SEM1: variants seen among roughly 807,000 people sequenced by gnomAD.
SEM1 encodes SEM1 26S proteasome subunit.
SEM1 carries 3 observed loss-of-function variants against 12.7 expected under a neutral mutation model. The ratio of observed to expected loss-of-function variants is 0.24; its 90% CI spans 0.11 to 0.61. The LOEUF is 0.61. Among genes scored for constraint, SEM1 ranks in the 20% least tolerant of loss-of-function variants. The pLI is 0.88. For missense variants in SEM1, 59 were observed against 81.3 expected, an observed-to-expected ratio of 0.73 and a Z score of 1.06; for synonymous variants, 30 against 27.8, an observed-to-expected ratio of 1.08 and a Z score of -0.25.
intron 2 of SEM1, among the ~76,000 whole-genome samples, chr7:96,531,278 T>C (rs1376967779): frequency 1.3e-5 from 2 of 151,674 alleles, no homozygotes; most frequent in African/African-American, 2.4e-5. Context: ...ACATTGAAAA[T>C]GCACAACAGG....
At chr7:96,514,885 G>A (rs907873047) in intron 2 of SEM1, among the ~76,000 whole-genome samples, 9 of 150,266 alleles carry the variant, frequency 6.0e-5, no homozygotes, top group Non-Finnish European at 4.4e-5. Flanking sequence ...ATCCCAGCAA[G>A]TTATTTTGTG....
chr7:96,547,313 T>C (rs928651492), intron 2 of SEM1, among the ~76,000 whole-genome samples: 1 of 152,164 alleles, frequency 6.6e-6, no homozygotes, highest in African/African-American at 2.4e-5. Context: ...AGATAGTCTC[T>C]TAAGTATGAA....
intron 2 of SEM1, among the ~76,000 whole-genome samples, chr7:96,525,984 G>A (rs76162085): frequency 0.017 from 2,526 of 152,168 alleles, 36 homozygotes; most frequent in Non-Finnish European, 0.024. Context: ...AGTGCACAAT[G>A]CAATGTATTC....
At position 96,608,372 on chromosome 7, in the gene SEM1, AT is replaced by A. The variant is rs1030936974; in HGVS notation, c.170+86425del. The stretch of plus-strand genomic sequence containing the variant: ...CCTGTTGGCACAAGGCACTACTTCC[AT>A]TTTTTTTTTCTTTTTAAGAATGATC... On this transcript the variant is annotated intron_variant and NMD_transcript_variant, in intron 2 of 3. Coordinates refer to the SEM1 transcript ENST00000466986. Among the ~76,000 whole-genome samples the A allele has an allele frequency of 6.1e-4, 91 of 149,048 alleles. 1 individual carries two copies. The highest frequency in any genetic ancestry group is 6.0e-3 in the South Asian group (28 of 4,664).
In SEM1 at chr7:96,487,131, G is replaced by A. The variant is rs903570009; in HGVS notation, c.13-714C>T. ...TCTAGATTATAGGGCTGGGACTAGG[G>A]AGAGACCAGTAAGTTACTAACCTGA... On this transcript the variant is annotated intron_variant, in intron 1 of 3. Coordinates refer to the SEM1 transcript ENST00000356686. Among the ~76,000 whole-genome samples the A allele has an allele frequency of 2.1e-5, 3 of 140,304 alleles. 1 individual carries two copies. Among genetic ancestry groups the A allele is most frequent in the African/African-American group, 9.9e-5 (3 of 30,196 alleles). 92.0% of individuals were successfully genotyped at this position (140,304 alleles called of 152,430 possible).
chr7:96,531,429 C>CAA (rs57949407), intron 2 of SEM1, among the ~76,000 whole-genome samples: 11 of 146,352 alleles, frequency 7.5e-5, no homozygotes, highest in South Asian at 2.2e-4. Flanking sequence ...AAAAAAACAA[C>CAA]AAAAAAAAAC....
At chr7:96,611,004 C>T (rs111838376) in intron 2 of SEM1, among the ~76,000 whole-genome samples, 4,445 of 152,242 alleles carry the variant, frequency 0.029, 89 homozygotes, top group Middle Eastern at 0.068. Flanking sequence ...TTCCCCCGAC[C>T]CCCAGGAGTT....
chr7:96,643,402 A>T (rs1467279963), intron 2 of SEM1, among the ~76,000 whole-genome samples: 2 of 151,982 alleles, frequency 1.3e-5, no homozygotes, highest in African/African-American at 4.8e-5. Context: ...CAGAACATGC[A>T]GTTTTGTTAC....
chr7:96,607,742 A>C (rs4729270), intron 2 of SEM1, among the ~76,000 whole-genome samples: 146,994 of 152,178 alleles, frequency 0.97, 71,193 homozygotes, highest in East Asian at 1. Context: ...CCTATGTAGA[A>C]CCTGCCTTGG....
chr7:96,581,371 T>C (rs1806400204), intron 2 of SEM1, among the ~76,000 whole-genome samples: 1 of 152,136 alleles, frequency 6.6e-6, no homozygotes, highest in African/African-American at 2.4e-5. Flanking sequence ...TTGGTGACTG[T>C]AGCCTTGTAG....
At chr7:96,709,613 G>A in intron 1 of SEM1, 75 bp downstream of exon 1, 16 of 1,427,714 alleles carry the variant, frequency 1.1e-5, no homozygotes, top group Admixed American at 1.7e-5. Flanking sequence ...AGCTGGGCCC[G>A]AGCACCCAAG....
intron 2 of SEM1, among the ~76,000 whole-genome samples, chr7:96,589,522 G>T (rs1304496091): frequency 1.3e-5 from 2 of 152,048 alleles, no homozygotes; most frequent in Non-Finnish European, 2.9e-5. Context: ...TAACTCCATT[G>T]TGTGTACCCC....
chr7:96,588,577 A>G (rs531150968), intron 2 of SEM1, among the ~76,000 whole-genome samples: 1 of 152,182 alleles, frequency 6.6e-6, no homozygotes, highest in South Asian at 2.1e-4. Flanking sequence ...TATTTAAATA[A>G]TAAGGAAGAA....
intron 2 of SEM1, among the ~76,000 whole-genome samples, chr7:96,605,014 C>T (rs561215592): frequency 2.6e-5 from 4 of 152,192 alleles, no homozygotes; most frequent in Admixed American, 6.5e-5. Context: ...GAGGCTTAAG[C>T]AATTTACTCA....
At position 96,640,148 on chromosome 7, in the gene SEM1, T is replaced by G. The variant is rs959065050; in HGVS notation, c.171-17505A>C. On this transcript the variant is annotated intron_variant, in intron 2 of 2. Transcript: ENST00000417009. The surrounding 1 kb of genome is among the most constrained non-coding windows in gnomAD (Gnocchi z 4.0). ...CAAATGCAAAATGGAACAGCCACTT[T>G]GGGAGACAGTTTGGTGGATTCTTAC... Among the ~76,000 whole-genome samples, 2 of 152,000 alleles carry G rather than the reference T, an allele frequency of 1.3e-5. No homozygotes were observed. Among genetic ancestry groups the G allele is most frequent in the South Asian group, 4.1e-4 (2 of 4,828 alleles).
chr7:96,576,984 G>T (rs531340589), intron 2 of SEM1, among the ~76,000 whole-genome samples: 1 of 152,200 alleles, frequency 6.6e-6, no homozygotes, highest in African/African-American at 2.4e-5. Flanking sequence ...AGGCGTGGTG[G>T]CATGTGCCTG....
At chr7:96,702,546 G>T (rs1790302595) in intron 1 of SEM1, among the ~76,000 whole-genome samples, 1 of 152,164 alleles carries the variant, frequency 6.6e-6, no homozygotes, top group Admixed American at 6.5e-5. Context: ...GACAATCTGA[G>T]AATCCAAATA....
At chr7:96,625,818 G>A (rs904649977) in intron 2 of SEM1, among the ~76,000 whole-genome samples, 1 of 152,160 alleles carries the variant, frequency 6.6e-6, no homozygotes, top group African/African-American at 2.4e-5. Flanking sequence ...TGATGCCACA[G>A]AGGTTCTTAT....
At chr7:96,547,954 A>G (rs1805154034) in intron 2 of SEM1, among the ~76,000 whole-genome samples, 1 of 152,144 alleles carries the variant, frequency 6.6e-6, no homozygotes, top group African/African-American at 2.4e-5. Flanking sequence ...GTTTATAAAA[A>G]TTATATTTGA....
Sources: allele counts gnomAD v4.1 joint callset (sites outside exome capture counted in the v4.1 genomes callset), GRCh38; gene constraint gnomAD v4.1.1; non-coding constraint Gnocchi (gnomAD v3.1); transcripts MANE v1.5; gene names NCBI Gene and HGNC (gene_info 2026-07-23, HGNC 2026-07-21).